The following DNAH11 variants were observed in gnomAD, a reference collection of about 807,000 sequenced individuals.
DNAH11 encodes the protein axonemal beta dynein heavy chain 11.
Under a neutral mutation model 526.0 loss-of-function variants are expected in DNAH11, and 442 were observed. The observed-to-expected ratio is 0.84, with a 90% CI of 0.78 to 0.91. The LOEUF (loss-of-function observed/expected upper bound fraction) is 0.91, where lower values mean the gene tolerates loss of function less well. Among genes scored for constraint, DNAH11 ranks in the 40% least tolerant of loss-of-function variants. The probability of loss-of-function intolerance (pLI) is 0.00; values close to 1 mark genes in which losing one functional copy is unlikely to be tolerated. For synonymous variants in DNAH11, 2,461 were observed against 1,935.9 expected, an observed-to-expected ratio of 1.27 and a Z score of -7.12; for missense variants, 6,989 against 5,448.7, an observed-to-expected ratio of 1.28 and a Z score of -8.90.
chr7:21,717,634 G>A, intron 42 of DNAH11, 141 bp from the exon 43 acceptor site: 2 of 965,468 alleles, frequency 2.1e-6, no homozygotes, highest in Non-Finnish European at 2.9e-6. Context: ...AATATTTGCA[G>A]TTTGAAAAAT....
At chr7:21,784,573 C>G (rs746362069) in intron 58 of DNAH11, 33 bp downstream of exon 58, 3 of 1,475,118 alleles carry the variant, frequency 2.0e-6, no homozygotes, top group Non-Finnish European at 2.8e-6. Flanking sequence ...TGAGTTTCCT[C>G]AAAGTAATAT....
chr7:21,893,394 G>T (rs1380112081), intron 77 of DNAH11, among the ~76,000 whole-genome samples: 1 of 152,216 alleles, frequency 6.6e-6, no homozygotes, highest in African/African-American at 2.4e-5. Flanking sequence ...CCTCAATTGA[G>T]GAGTAATATT....
Position 21,812,518 on chromosome 7 carries a change from T to A in DNAH11, c.10333-3949T>A, listed in dbSNP as rs36008386. On this transcript the variant is annotated intron_variant, in intron 63 of 81. Transcript: ENST00000409508. ...ACACTATCTATATGAAAAAAAAATT[T>A]TTTTTAAACCCAGCCAGGTGTGGTG... Among the ~76,000 whole-genome samples the A allele has an allele frequency of 3.8e-3, 571 of 148,992 alleles. 5 individuals carry two copies. The highest frequency in any genetic ancestry group is 6.3e-3 in the Non-Finnish European group (427 of 67,446).
chr7:21,621,899 A>G (rs1242206338), intron 25 of DNAH11, among the ~76,000 whole-genome samples: 1 of 152,126 alleles, frequency 6.6e-6, no homozygotes, highest in Non-Finnish European at 1.5e-5. Flanking sequence ...TTCCCTTTGA[A>G]AACTGGCACG....
intron 14 of DNAH11, among the ~76,000 whole-genome samples, chr7:21,597,702 C>T (rs569186883): frequency 6.6e-6 from 1 of 152,174 alleles, no homozygotes; most frequent in African/African-American, 2.4e-5. Context: ...CACCTTCCAC[C>T]AGGCCACTCT....
At chr7:21,780,258 G>C (rs1787879828) in intron 57 of DNAH11, among the ~76,000 whole-genome samples, 1 of 152,094 alleles carries the variant, frequency 6.6e-6, no homozygotes, top group South Asian at 2.1e-4. Flanking sequence ...GTCCTTAAAA[G>C]TATATTATTG....
At chr7:21,776,789 A>T (rs909262859) in intron 56 of DNAH11, among the ~76,000 whole-genome samples, 1 of 152,208 alleles carries the variant, frequency 6.6e-6, no homozygotes, top group Non-Finnish European at 1.5e-5. Context: ...GATTCAGAAG[A>T]AATTACAAAG....
intron 65 of DNAH11, among the ~76,000 whole-genome samples, chr7:21,822,432 CA>C (rs1369916814): frequency 2.0e-5 from 3 of 152,114 alleles, no homozygotes; most frequent in African/African-American, 7.2e-5. Flanking sequence ...CCCCATGACC[CA>C]AACATTTCCC....
intron 35 of DNAH11, among the ~76,000 whole-genome samples, chr7:21,691,270 CT>C (rs1288842797): frequency 1.3e-5 from 2 of 150,814 alleles, no homozygotes; most frequent in African/African-American, 4.9e-5. Flanking sequence ...CTGGTGCTGG[CT>C]CATTTTTGCT....
At chr7:21,879,396 G>A (rs1302960013) in intron 74 of DNAH11, among the ~76,000 whole-genome samples, 2 of 151,970 alleles carry the variant, frequency 1.3e-5, no homozygotes, top group African/African-American at 2.4e-5. Flanking sequence ...GGCGGAGGTT[G>A]CAGTGAGCAG....
intron 74 of DNAH11, among the ~76,000 whole-genome samples, chr7:21,876,809 A>G (rs995813880): frequency 6.6e-6 from 1 of 152,260 alleles, no homozygotes; most frequent in East Asian, 1.9e-4. Flanking sequence ...GCTTCCTACA[A>G]GTTAACAAAC....
chr7:21,681,740 A>G (rs1783148990), intron 31 of DNAH11, 63 bp downstream of exon 31: 26 of 1,589,888 alleles, frequency 1.6e-5, no homozygotes, highest in Non-Finnish European at 2.2e-5. Flanking sequence ...GTTTATTGCC[A>G]GAGTAGTTCC....
chr7:21,603,396 G>T (rs1562693595), intron 18 of DNAH11, among the ~76,000 whole-genome samples: 2 of 152,156 alleles, frequency 1.3e-5, no homozygotes, highest in Non-Finnish European at 2.9e-5. Context: ...TTGAGTATCT[G>T]TTTTCAATTC....
chr7:21,561,530 C>G (rs1783459417), intron 5 of DNAH11: 1 of 167,684 alleles, frequency 6.0e-6, no homozygotes, highest in Admixed American at 6.4e-5. Context: ...CAGTTCAGTT[C>G]TCTGAGTGTG....
At chr7:21,543,741 A>G in intron 1 of DNAH11, 145 bp downstream of exon 1, 1 of 809,918 alleles carries the variant, frequency 1.2e-6, no homozygotes. Context: ...TGAGGCCCGC[A>G]GGACTCCTCC....
At chr7:21,861,306 C>T (rs4722066) in intron 68 of DNAH11, among the ~76,000 whole-genome samples, 71,722 of 152,134 alleles carry the variant, frequency 0.47, 20,703 homozygotes, top group Non-Finnish European at 0.64. Context: ...AATTTTTAAA[C>T]TGAGCTCATC....
At position 21,564,396 on chromosome 7, in the gene DNAH11, A is replaced by G; in HGVS notation, c.1193A>G (p.Gln398Arg). 1 of 1,605,444 alleles carries G rather than the reference A, an allele frequency of 6.2e-7. No homozygotes were observed. The highest frequency in any genetic ancestry group is 8.5e-7 in the Non-Finnish European group (1 of 1,175,224). Reference sequence around the variant, plus strand: ...GAGTTTTGTAATCTCTTCATTAACCAGGTATGAAGCATCAAAAAACAGGAA... The same window carrying G: ...GAGTTTTGTAATCTCTTCATTAACCGGGTATGAAGCATCAAAAAACAGGAA... Reference protein sequence around the residue: ...LQEFCNLFINQATAYLSPEDL... With the variant: ...LQEFCNLFINRATAYLSPEDL... Residue 398 changes from glutamine (Q) to arginine (R), a missense_variant and splice_region_variant, in exon 6 of 82, where the codon CAG becomes CGG. Coordinates refer to ENST00000409508, the MANE Select transcript of DNAH11 (RefSeq NM_001277115.2).
chr7:21,627,328 T>C (rs1037732424), intron 25 of DNAH11, among the ~76,000 whole-genome samples: 15 of 152,160 alleles, frequency 9.9e-5, no homozygotes, highest in African/African-American at 3.4e-4. Context: ...TTTGAAGTCT[T>C]ACACACACAC....
intron 30 of DNAH11, among the ~76,000 whole-genome samples, chr7:21,672,194 A>G (rs1782666325): frequency 1.3e-5 from 2 of 152,204 alleles, no homozygotes; most frequent in African/African-American, 2.4e-5. Context: ...CTTGTTAGAA[A>G]GGGATCCAGG....
Sources: gnomAD v4.1 joint callset for allele counts (sites outside exome capture counted in the v4.1 genomes callset) on GRCh38, gnomAD v4.1.1 for gene constraint, MANE v1.5 for transcripts, NCBI Gene and HGNC (gene_info 2026-07-23, HGNC 2026-07-21) for gene names.